Variants in F8 observed in about 807,000 individuals in gnomAD.
The protein encoded by F8 is antihemophilic factor.
F8 carries 12 observed loss-of-function variants against 140.6 expected under a neutral mutation model. That is an observed-to-expected ratio of 0.09 (90% CI 0.05 to 0.14). F8 has a LOEUF of 0.14. Among genes scored for constraint, F8 ranks in the 10% least tolerant of loss-of-function variants. The pLI is 1.00. For missense variants in F8, 1,354 were observed against 1,720.7 expected, an observed-to-expected ratio of 0.79 and a Z score of 3.77; for synonymous variants, 585 against 614.6, an observed-to-expected ratio of 0.95 and a Z score of 0.71.
At chrX:154,878,007 T>G (rs891072791) in intron 22 of F8, among the ~76,000 whole-genome samples, 2 of 111,314 alleles carry the variant, frequency 1.8e-5, no homozygotes, top group Non-Finnish European at 3.8e-5. Context: ...CTACTAAATG[T>G]TTAAGGAAGG....
At chrX:154,921,487 T>C (rs1199670792) in intron 14 of F8, among the ~76,000 whole-genome samples, 6 of 112,020 alleles carry the variant, frequency 5.4e-5, no homozygotes, top group Non-Finnish European at 1.1e-4. Context: ...CTCAGGGATC[T>C]AGAACTAGAA....
At position 154,928,811 on chromosome X, in the gene F8, G is replaced by A; in HGVS notation, c.4979C>T (p.Pro1660Leu). The change falls in exon 14 of 26, where the codon CCA becomes CTA. Residue 1660 changes from proline to leucine, a missense_variant. Pro to Leu is a moderately conservative substitution (Grantham distance 98). Around this residue, in one of 4 missense-constraint regions of F8, gnomAD observed 658 missense variants for 666.5 expected, o/e 0.99. Transcript: ENST00000360256. ...TTCCCGTTGATGGCGTTTCAAGACT[G>A]GTGGGTTTTGAGAGCACAGCCTTTC... ...RTERLCSQNP[P>L]VLKRHQREIT... 8.3e-7 allele frequency: 1 copy of A among 1,211,555 alleles called. No individual in the cohort carries two copies. The highest frequency in any genetic ancestry group is 1.8e-5 in the South Asian group (1 of 56,963).
chrX:155,022,509 C>T lies in F8; in HGVS notation c.44G>A (p.Arg15Gln), dbSNP rs782417067. 8.3e-6 allele frequency: 10 copies of T among 1,211,261 alleles called. No homozygotes were observed. Among genetic ancestry groups the T allele is most frequent in the Middle Eastern group, 2.3e-4 (1 of 4,352 alleles). ...LSTCFFLCLL[R>Q]FCFSATRRYY... Reference sequence around the variant, plus strand: ...TCTTCTGGTGGCACTAAAGCAGAATCGCAAAAGGCACAGAAAGAAGCAGGT... The same window carrying T: ...TCTTCTGGTGGCACTAAAGCAGAATTGCAAAAGGCACAGAAAGAAGCAGGT... The change falls in exon 1 of 26, where the codon CGA (arginine) becomes CAA (glutamine). Residue 15 changes from arginine (R) to glutamine (Q), a missense_variant. Physicochemically the swap from Arg to Gln is conservative, Grantham distance 43. Transcript: ENST00000360256.
chrX:155,006,036 A>G (rs1557286040), intron 1 of F8, among the ~76,000 whole-genome samples: 2 of 112,525 alleles, frequency 1.8e-5, no homozygotes, highest in African/African-American at 3.2e-5. Flanking sequence ...GAGAGAAAAA[A>G]GGAGAAAAAA....
intron 4 of F8, among the ~76,000 whole-genome samples, chrX:154,989,887 C>T (rs2073578334): frequency 8.9e-6 from 1 of 112,173 alleles, no homozygotes; most frequent in African/African-American, 3.2e-5. Flanking sequence ...ATTTTGCATG[C>T]AGATATTCAC....
chrX:154,966,435 G>T lies in F8; in HGVS notation c.1262C>A (p.Pro421His). ...DWDYAPLVLA[P>H]DDRSYKSQYL... The stretch of plus-strand genomic sequence containing the variant: ...GTCAAAAAGTGCTTACCTGTCATCG[G>T]GGGCGAGGACTAAGGGAGCATAGTC... The change falls in exon 8 of 26, where the codon CCC (proline) becomes CAC (histidine). Residue 421 changes from proline to histidine, a missense_variant. Pro to His is a moderately conservative substitution (Grantham distance 77). This residue lies in a region of F8 where 252 missense variants were observed against 338.5 expected (regional missense o/e 0.74). Transcript: ENST00000360256. The T allele has an allele frequency of 8.3e-7, 1 of 1,211,176 alleles. No homozygotes were observed. The highest frequency in any genetic ancestry group is 1.8e-5 in the South Asian group (1 of 56,921).
intron 13 of F8, among the ~76,000 whole-genome samples, chrX:154,943,731 A>G (rs1557280057): frequency 8.9e-6 from 1 of 111,827 alleles, no homozygotes; most frequent in African/African-American, 3.3e-5. Flanking sequence ...AGCCTAATGA[A>G]CAAAGCTGGA....
chrX:154,983,733 C>T (rs2073542454), intron 6 of F8, among the ~76,000 whole-genome samples: 1 of 111,962 alleles, frequency 8.9e-6, no homozygotes, highest in African/African-American at 3.3e-5. Flanking sequence ...GCCAAGGTGA[C>T]CTGTAGGATA....
intron 14 of F8, among the ~76,000 whole-genome samples, chrX:154,917,046 A>G (rs1557277167): frequency 9.0e-6 from 1 of 111,710 alleles, no homozygotes; most frequent in African/African-American, 3.2e-5. Context: ...TTGGTTGTTC[A>G]GGAGCATGTT....
intron 6 of F8, among the ~76,000 whole-genome samples, chrX:154,970,855 TTTTGCATGTATTA>T (rs2073453216): frequency 8.9e-6 from 1 of 111,848 alleles, no homozygotes; most frequent in African/African-American, 3.3e-5. Flanking sequence ...CAGTTTGTAA[TTTTGCATGTATTA>T]TTATGCTTAT....
chrX:154,842,857 T>C (rs901372228), intron 25 of F8, among the ~76,000 whole-genome samples: 1 of 111,649 alleles, frequency 9.0e-6, no homozygotes, highest in African/African-American at 3.3e-5. Context: ...GCAGGTTTGT[T>C]ACATATGTAT....
At chrX:154,877,740 G>A (rs145381897) in intron 22 of F8, among the ~76,000 whole-genome samples, 1,375 of 111,621 alleles carry the variant, frequency 0.012, 25 homozygotes, top group African/African-American at 0.041. Flanking sequence ...CTGCCCTATC[G>A]AACTGTAAGA....
At chrX:154,999,750 CT>C (rs2073637351) in intron 1 of F8, 150 bp from the exon 2 acceptor site, 1 of 628,983 alleles carries the variant, frequency 1.6e-6, no homozygotes, top group African/African-American at 2.2e-5. Context: ...AACCGAAACA[CT>C]GTTTTCACAA....
At chrX:154,979,751 TAA>T (rs1557283352) in intron 6 of F8, among the ~76,000 whole-genome samples, 3 of 112,002 alleles carry the variant, frequency 2.7e-5, no homozygotes. Context: ...GGCTCCTGCC[TAA>T]GTCACGGCCA....
chrX:155,012,379 T>C (rs2073710104), intron 1 of F8, among the ~76,000 whole-genome samples: 1 of 111,765 alleles, frequency 8.9e-6, no homozygotes, highest in Non-Finnish European at 1.9e-5. Context: ...GCATGATCCA[T>C]AGTTAATTGC....
intron 2 of F8, among the ~76,000 whole-genome samples, 196 bp downstream of exon 2, chrX:154,999,283 G>A (rs1557285381): frequency 9.1e-6 from 1 of 109,780 alleles, no homozygotes; most frequent in African/African-American, 3.3e-5. Flanking sequence ...GTAAGCAGTT[G>A]GCATAGACCA....
chrX:154,846,676 T>A (rs1272428769), intron 25 of F8, among the ~76,000 whole-genome samples: 5 of 111,698 alleles, frequency 4.5e-5, no homozygotes, highest in Non-Finnish European at 9.4e-5. Flanking sequence ...CCTATGTGAG[T>A]CTCTGCATGT....
chrX:154,928,848 G>C lies in F8; in HGVS notation c.4942C>G (p.Gln1648Glu), dbSNP rs781810019. ...KPEIEVTWAK[Q>E]GRTERLCSQN... is the part of the protein sequence containing the mutation. Reference sequence around the variant, plus strand: ...GAGCACAGCCTTTCAGTCCTACCTTGCTTTGCCCAGGTGACTTCTATTTCG... The same window carrying C: ...GAGCACAGCCTTTCAGTCCTACCTTCCTTTGCCCAGGTGACTTCTATTTCG... Residue 1648 changes from glutamine (Q) to glutamate (E), a missense_variant, in exon 14 of 26, where the codon CAA (glutamine) becomes GAA (glutamate). Gln to Glu is a conservative substitution (Grantham distance 29). Coordinates refer to ENST00000360256, the MANE Select transcript of F8 (RefSeq NM_000132.4). 3.3e-6 allele frequency: 4 copies of C among 1,211,820 alleles called. No homozygotes were observed. Among genetic ancestry groups the C allele is most frequent in the Non-Finnish European group, 4.5e-6 (4 of 895,508 alleles).
rs782086610 is a variant in F8 at position 154,905,041 on chromosome X, C to CAA, written c.5374-20_5374-19dup. ...AAAGTTACCTGTAGAACAATAACGA[C>CAA]AAAAAAAAAAAAGCAAGAATAATCT... On this transcript the variant is annotated intron_variant, in intron 15 of 25. Transcript: ENST00000360256. The CAA allele has an allele frequency of 2.3e-4, 215 of 919,365 alleles. No individual in the cohort carries two copies. Among genetic ancestry groups the CAA allele is most frequent in the Middle Eastern group, 1.3e-3 (4 of 3,110 alleles). The allele number at this position is 919,365 out of a possible 1,213,427, so 75.8% of individuals were successfully genotyped here. A position where few individuals can be genotyped will look rare whatever the true frequency, so the allele number is the denominator to read the frequency against.
Sources: allele counts gnomAD v4.1 joint callset (sites outside exome capture counted in the v4.1 genomes callset), GRCh38; gene constraint gnomAD v4.1.1; regional missense constraint gnomAD v4.1.1; transcripts MANE v1.5; gene names NCBI Gene and HGNC (gene_info 2026-07-23, HGNC 2026-07-21).